The following TRAM2 variants were observed in gnomAD, a reference collection of about 807,000 sequenced individuals.
TRAM2 encodes the protein translocating chain-associated membrane protein 2.
TRAM2 carries 12 observed loss-of-function variants against 51.0 expected under a neutral mutation model. That is an observed-to-expected ratio of 0.24 (90% CI 0.15 to 0.38). The LOEUF (loss-of-function observed/expected upper bound fraction) is 0.38. TRAM2 is among the 10% of genes least tolerant of loss of function. TRAM2 has a pLI of 1.00. For missense variants in TRAM2, 361 were observed against 462.0 expected, an observed-to-expected ratio of 0.78 and a Z score of 2.00; for synonymous variants, 175 against 179.4, an observed-to-expected ratio of 0.98 and a Z score of 0.20.
intron 2 of TRAM2, among the ~76,000 whole-genome samples, chr6:52,530,260 C>T (rs1293693561): frequency 1.3e-5 from 2 of 152,126 alleles, no homozygotes; most frequent in Non-Finnish European, 2.9e-5. Context: ...TAAAGAAAAC[C>T]TCAAGGACGC....
intron 1 of TRAM2, among the ~76,000 whole-genome samples, chr6:52,537,258 C>A (rs1382440245): frequency 6.6e-6 from 1 of 152,166 alleles, no homozygotes. Flanking sequence ...ATAGAAAACA[C>A]CAAGCCCTAT....
In TRAM2 at chr6:52,502,458, C is replaced by T. The variant is rs144655097; in HGVS notation, c.*739G>A. 2.0e-5 allele frequency: 3 copies of T among 152,332 alleles called. No individual in the cohort carries two copies. The highest frequency in any genetic ancestry group is 2.9e-5 in the Non-Finnish European group (2 of 68,058). 9.4% of individuals were successfully genotyped at this position (152,332 alleles called of 1,614,324 possible). A position where few individuals can be genotyped will look rare whatever the true frequency, so the allele number is the denominator to read the frequency against. On this transcript the variant is annotated 3_prime_UTR_variant, in exon 11 of 11. Transcript: ENST00000182527. ...AGACGTGTCCCCCCCCACAGAGCGA[C>T]AGCAGGCTGGCTTCCAATCCGCGGC...
At chr6:52,563,216 G>A (rs1172002175) in intron 1 of TRAM2, among the ~76,000 whole-genome samples, 5 of 152,086 alleles carry the variant, frequency 3.3e-5, no homozygotes, top group African/African-American at 1.2e-4. Context: ...ATATAAATGA[G>A]GAAATTCTCT....
At chr6:52,565,608 A>G (rs942389000) in intron 1 of TRAM2, among the ~76,000 whole-genome samples, 14 of 152,268 alleles carry the variant, frequency 9.2e-5, no homozygotes, top group African/African-American at 2.6e-4. Flanking sequence ...CACTGCATCT[A>G]TTTCTAGGGG....
chr6:52,516,630 C>A lies in TRAM2; in HGVS notation c.292G>T (p.Asp98Tyr), dbSNP rs1766554190. Residue 98 changes from aspartate to tyrosine, a missense_variant and splice_region_variant, in exon 3 of 11, where the codon GAT becomes TAT. By Grantham distance (160) the Asp-to-Tyr change is radical (BLOSUM62 -3). Transcript: ENST00000182527. Reference sequence around the variant, plus strand: ...CAGAATCCAGACATGTCACTTACATCTAAAATGTACTCCTGAACCACAGCA... The same window carrying A: ...CAGAATCCAGACATGTCACTTACATATAAAATGTACTCCTGAACCACAGCA... ...LHAVVQEYIL[D>Y]KISKRLHLSK... 3.7e-6 allele frequency: 6 copies of A among 1,612,588 alleles called. No homozygotes were observed. The highest frequency in any genetic ancestry group is 1.7e-6 in the Non-Finnish European group (2 of 1,178,750).
chr6:52,570,031 G>A (rs1767651636), intron 1 of TRAM2, among the ~76,000 whole-genome samples: 2 of 152,016 alleles, frequency 1.3e-5, no homozygotes, highest in South Asian at 4.1e-4. Flanking sequence ...AGCCAATGAG[G>A]GTCTTATTTT....
chr6:52,507,295 G>A (rs530157566), intron 7 of TRAM2, among the ~76,000 whole-genome samples: 1 of 152,234 alleles, frequency 6.6e-6, no homozygotes, highest in African/African-American at 2.4e-5. Flanking sequence ...CTGGGTTGCA[G>A]AGCAGATGAT....
chr6:52,529,142 C>G (rs551278531), intron 2 of TRAM2, among the ~76,000 whole-genome samples: 3 of 152,142 alleles, frequency 2.0e-5, no homozygotes, highest in Admixed American at 2.0e-4. Flanking sequence ...CCGCCCGCCT[C>G]GGCCTCCCGA....
At chr6:52,530,827 GC>G (rs1172417006) in intron 2 of TRAM2, among the ~76,000 whole-genome samples, 3 of 152,072 alleles carry the variant, frequency 2.0e-5, no homozygotes, top group Non-Finnish European at 4.4e-5. Context: ...TGTTACACCG[GC>G]CCTAGGAAAC....
At chr6:52,539,157 G>A (rs1372456484) in intron 1 of TRAM2, among the ~76,000 whole-genome samples, 1 of 152,176 alleles carries the variant, frequency 6.6e-6, no homozygotes, top group East Asian at 1.9e-4. Context: ...CTGCATGACA[G>A]TTGGGGGCCA....
intron 1 of TRAM2, among the ~76,000 whole-genome samples, chr6:52,576,322 A>T (rs1387456708): frequency 2.6e-5 from 4 of 152,176 alleles, no homozygotes; most frequent in African/African-American, 9.7e-5. Context: ...CCAGAAAATC[A>T]CATAGGAAGT....
intron 3 of TRAM2, 192 bp from the exon 4 acceptor site, chr6:52,516,314 G>C: frequency 4.9e-6 from 3 of 608,518 alleles, no homozygotes; most frequent in Non-Finnish European, 8.7e-6. Flanking sequence ...TTTTGAGAAA[G>C]TGGCAAGATG....
At chr6:52,561,292 T>C (rs539219185) in intron 1 of TRAM2, among the ~76,000 whole-genome samples, 3 of 152,176 alleles carry the variant, frequency 2.0e-5, no homozygotes, top group Non-Finnish European at 4.4e-5. Context: ...TTCGTCTGTT[T>C]GTTTTGTAGA....
At chr6:52,527,385 AAAAAAGAAAAG>A (rs1357983566) in intron 2 of TRAM2, among the ~76,000 whole-genome samples, 1 of 151,892 alleles carries the variant, frequency 6.6e-6, no homozygotes, top group African/African-American at 2.4e-5. Flanking sequence ...CTCAAAAAAA[AAAAAAGAAAAG>A]AAAAGAAAAG....
chr6:52,560,641 C>T lies in TRAM2; in HGVS notation c.120+16155G>A, dbSNP rs540703683. On this transcript the variant is annotated intron_variant, in intron 1 of 10. Coordinates refer to ENST00000182527, the MANE Select transcript of TRAM2 (RefSeq NM_012288.4). Reference sequence around the variant, plus strand: ...TGTGTCCCGTGTGTTTTGGCATCTCCATGGAGTTCACACTGTCGTATGAAC... The same window carrying T: ...TGTGTCCCGTGTGTTTTGGCATCTCTATGGAGTTCACACTGTCGTATGAAC... 7.2e-5 allele frequency among the ~76,000 whole-genome samples: 11 copies of T among 152,330 alleles called. No individual in the cohort carries two copies. In the South Asian group the frequency reaches 2.3e-3, roughly 32 times the overall value.
intron 1 of TRAM2, among the ~76,000 whole-genome samples, chr6:52,558,300 C>T (rs927385283): frequency 2.6e-5 from 4 of 152,100 alleles, no homozygotes; most frequent in African/African-American, 9.7e-5. Flanking sequence ...GGAGCAGGCC[C>T]AAAAGCCCCC....
intron 1 of TRAM2, among the ~76,000 whole-genome samples, chr6:52,539,311 G>A (rs1443347429): frequency 2.0e-5 from 3 of 152,352 alleles, no homozygotes; most frequent in South Asian, 4.1e-4. Context: ...AACTGGGAAT[G>A]TGAGTGTTGG....
intron 3 of TRAM2, chr6:52,516,330 C>T (rs1766548511): frequency 1.7e-6 from 1 of 600,172 alleles, no homozygotes; most frequent in Non-Finnish European, 2.9e-6. Flanking sequence ...AGATGAATGT[C>T]TCTAGCCTAT....
chr6:52,566,318 A>G (rs1165647797), intron 1 of TRAM2, among the ~76,000 whole-genome samples: 2 of 152,126 alleles, frequency 1.3e-5, no homozygotes, highest in East Asian at 3.9e-4. Context: ...AAGAGAGCTG[A>G]GAATGGCCTT....
Sources: allele counts gnomAD v4.1 joint callset (sites outside exome capture counted in the v4.1 genomes callset), GRCh38; gene constraint gnomAD v4.1.1; transcripts MANE v1.5; gene names NCBI Gene and HGNC (gene_info 2026-07-23, HGNC 2026-07-21).